PYGL: variants seen among roughly 807,000 people sequenced by gnomAD.
PYGL encodes the protein glycogen phosphorylase, liver form.
In PYGL, 90 loss-of-function variants were observed where a neutral mutation model predicts 100.1. The observed-to-expected ratio is 0.90, with a 90% CI of 0.76 to 1.07. The LOEUF is 1.07. Ranked by LOEUF, PYGL falls within the 50% of genes least tolerant of loss-of-function variation. The pLI is 0.00. For missense variants in PYGL, 1,016 were observed against 1,057.6 expected (o/e 0.96, Z 0.55); for synonymous variants, 373 against 393.0 (o/e 0.95, Z 0.60).
intron 2 of PYGL, among the ~76,000 whole-genome samples, 155 bp from the exon 3 acceptor site, chr14:50,935,340 C>T (rs931983417): frequency 6.6e-6 from 1 of 152,194 alleles, no homozygotes; most frequent in Non-Finnish European, 1.5e-5. Flanking sequence ...GCATCAGGTA[C>T]TGACTGCAGA....
chr14:50,932,626 T>C (rs1053658140), intron 3 of PYGL, among the ~76,000 whole-genome samples: 3 of 152,232 alleles, frequency 2.0e-5, no homozygotes, highest in African/African-American at 7.2e-5. Flanking sequence ...TCCTTTTTGA[T>C]TGAAGCATTT....
intron 9 of PYGL, 35 bp from the exon 10 acceptor site, chr14:50,916,006 A>C: frequency 6.2e-7 from 1 of 1,613,178 alleles, no homozygotes. Context: ...GCTTGCCCTG[A>C]AGGTGGGCAC....
chr14:50,940,283 T>C (rs1321484774), intron 1 of PYGL, among the ~76,000 whole-genome samples: 4 of 152,262 alleles, frequency 2.6e-5, no homozygotes, highest in Non-Finnish European at 1.5e-5. Flanking sequence ...TGCCTTTTTC[T>C]TTTAAGTAAT....
In PYGL at chr14:50,921,059, C is replaced by T. The variant is rs1389198840; in HGVS notation, c.669G>A (p.Leu223=). 3 of 1,612,402 alleles carry T rather than the reference C, an allele frequency of 1.9e-6. No homozygotes were observed. Among genetic ancestry groups the T allele is most frequent in the Admixed American group, 1.7e-5 (1 of 60,016 alleles). Residue 223 remains leucine (L), a synonymous_variant, in exon 6 of 20, where the codon CTG becomes CTA. Transcript: ENST00000216392. Reference sequence around the variant, plus strand: ...GCACGGGGGTGTCATATGGCAGAGCCAGGACCACCTGTGGGATTAAACAGA... The same window carrying T: ...GCACGGGGGTGTCATATGGCAGAGCTAGGACCACCTGTGGGATTAAACAGA... ...GTKWIDTQVV[L]ALPYDTPVPG... is the part of the protein sequence containing the mutation.
intron 4 of PYGL, among the ~76,000 whole-genome samples, chr14:50,926,370 A>G (rs1176375386): frequency 6.6e-6 from 1 of 151,904 alleles, no homozygotes; most frequent in Non-Finnish European, 1.5e-5. Context: ...AGTAAAATAA[A>G]ATAAAATAAA....
intron 1 of PYGL, among the ~76,000 whole-genome samples, chr14:50,943,391 G>T (rs987783460): frequency 1.3e-5 from 2 of 152,168 alleles, no homozygotes; most frequent in African/African-American, 4.8e-5. Flanking sequence ...CTCTGCTCCC[G>T]CCCCCACGCC....
intron 7 of PYGL, 123 bp from the exon 8 acceptor site, chr14:50,917,228 G>C (rs763666279): frequency 1.2e-4 from 138 of 1,110,358 alleles, no homozygotes; most frequent in Non-Finnish European, 1.8e-4. Context: ...GAGGGGTGGT[G>C]GTTTGAATGC....
In PYGL at chr14:50,920,872, T is replaced by G. The variant is rs946617; in HGVS notation, c.772+84A>C. 94,995 of 1,380,996 alleles carry G rather than the reference T, an allele frequency of 0.069. 4,135 individuals carry two copies. Among genetic ancestry groups the G allele is most frequent in the African/African-American group, 0.19 (13,258 of 70,038 alleles). 85.5% of individuals were successfully genotyped at this position (1,380,996 alleles called of 1,614,324 possible). The stretch of plus-strand genomic sequence containing the variant: ...ATCAGAAACTCAAGGCTTTTTTGTT[T>G]GTTTCAAGCTCAATTTGGTTCTAAC... On this transcript the variant is annotated intron_variant, in intron 6 of 19. Coordinates refer to ENST00000216392, the MANE Select transcript of PYGL (RefSeq NM_002863.5).
chr14:50,943,478 C>T lies in PYGL; in HGVS notation c.243+683G>A, dbSNP rs527322534. ...CCTCGGGTGTGGAAGGGCTAAGGGT[C>T]GGGGGAGTGTGTGTCTTCGGGGAGG... On this transcript the variant is annotated intron_variant, in intron 1 of 19. Coordinates refer to ENST00000216392, the MANE Select transcript of PYGL (RefSeq NM_002863.5). Among the ~76,000 whole-genome samples the T allele has an allele frequency of 3.9e-5, 6 of 152,308 alleles. No individual in the cohort carries two copies. In the South Asian group the frequency reaches 8.3e-4, roughly 21 times the overall value.
chr14:50,929,680 A>G (rs1473470071), intron 4 of PYGL, among the ~76,000 whole-genome samples: 1 of 152,216 alleles, frequency 6.6e-6, no homozygotes, highest in East Asian at 1.9e-4. Context: ...ATCCTTTTCC[A>G]AGGCTAAAAT....
chr14:50,911,478 C>G (rs2050396816), intron 16 of PYGL, among the ~76,000 whole-genome samples: 1 of 152,212 alleles, frequency 6.6e-6, no homozygotes, highest in African/African-American at 2.4e-5. Context: ...CTGCCTCCCC[C>G]AGCACATAGC....
At position 50,944,191 on chromosome 14, in the gene PYGL, C is replaced by T. The variant is rs1212358442; in HGVS notation, c.213G>A (p.Thr71=). 3 of 1,609,824 alleles carry T rather than the reference C, an allele frequency of 1.9e-6. No individual in the cohort carries two copies. The highest frequency in any genetic ancestry group is 2.7e-5 in the African/African-American group (2 of 74,916). Residue 71 remains threonine (T), a synonymous_variant, in exon 1 of 20, where the codon ACG becomes ACA. Coordinates refer to ENST00000216392, the MANE Select transcript of PYGL (RefSeq NM_002863.5). ...GGCACTTGTCGTAGTAGTGCTGCTG[C>T]GTGCGGATCCAGCGCCCCACCAGGT... is the stretch of plus-strand genomic sequence containing the variant. ...RDHLVGRWIR[T]QQHYYDKCPK...
intron 4 of PYGL, among the ~76,000 whole-genome samples, chr14:50,931,119 G>C (rs1217827835): frequency 1.3e-5 from 2 of 152,100 alleles, no homozygotes; most frequent in African/African-American, 4.8e-5. Flanking sequence ...CACTTGGTTT[G>C]TGTCTTGTAA....
chr14:50,924,935 T>A (rs1029610122), intron 4 of PYGL, among the ~76,000 whole-genome samples: 10 of 152,174 alleles, frequency 6.6e-5, no homozygotes, highest in Non-Finnish European at 1.3e-4. Context: ...CCAAACACAT[T>A]GGAGGGGGAT....
At chr14:50,931,889 T>A in intron 3 of PYGL, 113 bp from the exon 4 acceptor site, 3 of 819,564 alleles carry the variant, frequency 3.7e-6, no homozygotes. Context: ...AAGAACCACA[T>A]TTGTATTCTA....
Position 50,911,815 on chromosome 14 carries a change from T to C in PYGL, c.1884A>G (p.Ala628=), listed in dbSNP as rs374560108. Residue 628 remains alanine (A), a synonymous_variant, in exon 16 of 20, where the codon GCA becomes GCG. Coordinates refer to ENST00000216392, the MANE Select transcript of PYGL (RefSeq NM_002863.5). ...KMIIKLITSV[A]DVVNNDPMVG... ...CCATAGGGTCATTGTTCACCACATC[T>C]GCCACTGAAGTGATCAGCTTTATGA... 60 of 1,614,072 alleles carry C rather than the reference T, an allele frequency of 3.7e-5. No individual in the cohort carries two copies. The Middle Eastern group carries it at 1.3e-3, about 35-fold the overall frequency.
rs2142786011 is a variant in PYGL, at chr14:50,908,338, C to A, written c.2313-1G>T. The A allele has an allele frequency of 1.3e-6, 2 of 1,592,850 alleles. No individual in the cohort carries two copies. The highest frequency in any genetic ancestry group is 1.7e-6 in the Non-Finnish European group (2 of 1,160,788). Reference sequence around the variant, plus strand: ...TTCGTAGTCTGCAAAGACTTTAAACCTTTTATTTTGTGAGTGGAAGAGGAA... The same window carrying A: ...TTCGTAGTCTGCAAAGACTTTAAACATTTTATTTTGTGAGTGGAAGAGGAA... On this transcript the variant is annotated splice_acceptor_variant, in intron 18 of 19. Transcript: ENST00000216392. LOFTEE classifies it high-confidence loss of function.
chr14:50,927,900 A>G (rs1045457866), intron 4 of PYGL, among the ~76,000 whole-genome samples: 12 of 152,056 alleles, frequency 7.9e-5, no homozygotes, highest in African/African-American at 2.7e-4. Context: ...TGACAAATTG[A>G]TCTGTAAATT....
chr14:50,942,381 A>G (rs1053060179), intron 1 of PYGL, among the ~76,000 whole-genome samples: 1 of 140,330 alleles, frequency 7.1e-6, no homozygotes, highest in African/African-American at 2.5e-5. Context: ...CTGGTGCTCT[A>G]TGATGCTAAA....
Sources: gnomAD v4.1 joint callset for allele counts (sites outside exome capture counted in the v4.1 genomes callset) on GRCh38, gnomAD v4.1.1 for gene constraint, MANE v1.5 for transcripts, NCBI Gene and HGNC (gene_info 2026-07-23, HGNC 2026-07-21) for gene names.